The following OSBPL9 variants were observed in gnomAD, a reference collection of about 807,000 sequenced individuals.
OSBPL9 encodes the protein oxysterol-binding protein-related protein 9.
Under a neutral mutation model 106.6 loss-of-function variants are expected in OSBPL9, and 40 were observed. The ratio of observed to expected loss-of-function variants is 0.38; its 90% CI spans 0.29 to 0.49. The LOEUF is 0.49. OSBPL9 is among the 20% of genes least tolerant of loss of function. The pLI, the probability that OSBPL9 is intolerant of heterozygous loss-of-function variation, is 0.97. For missense variants in OSBPL9, 609 were observed against 887.2 expected, an observed-to-expected ratio of 0.69 and a Z score of 3.98; for synonymous variants, 269 against 295.4, an observed-to-expected ratio of 0.91 and a Z score of 0.92.
rs184678972 is a variant in OSBPL9 at position 51,620,883 on chromosome 1, A to T, written c.111+3662A>T. ...CTATTTTATTTATTCATTTATTTTG[A>T]TAAGACTGGTTAATTTTGTATTTTT... On this transcript the variant is annotated intron_variant, in intron 1 of 23. Coordinates refer to ENST00000428468, the MANE Select transcript of OSBPL9 (RefSeq NM_024586.6). Among the ~76,000 whole-genome samples the T allele has an allele frequency of 1.5e-3, 221 of 152,294 alleles. 1 individual carries two copies. Among genetic ancestry groups the T allele is most frequent in the African/African-American group, 5.0e-3 (208 of 41,572 alleles).
chr1:51,564,052 CAAAA>C, the OSBPL9 span, among the ~76,000 whole-genome samples: 8 of 27,386 alleles, frequency 2.9e-4, 1 homozygote, highest in Admixed American at 7.2e-4. Context: ...GAGATCATCT[CAAAA>C]AAAAAAAAAA....
At chr1:51,670,948 A>G (rs1372187953) in intron 3 of OSBPL9, among the ~76,000 whole-genome samples, 3 of 152,212 alleles carry the variant, frequency 2.0e-5, no homozygotes, top group Non-Finnish European at 4.4e-5. Flanking sequence ...GTTACTAAGA[A>G]GGAGACACCT....
the OSBPL9 span, among the ~76,000 whole-genome samples, chr1:51,519,858 C>A: frequency 2.0e-5 from 3 of 152,152 alleles, no homozygotes; most frequent in East Asian, 1.9e-4. Flanking sequence ...GAAAAGAAGA[C>A]ATTAAGTCAT....
In OSBPL9 at chr1:51,761,958, A is replaced by C. The variant is rs767808679; in HGVS notation, c.765A>C (p.Thr255=). ...LATLGHHQTP[T]PNSTGSGHSP... Reference sequence around the variant, plus strand: ...CCTTGGGACATCATCAGACTCCTACACCAAATAGTACAGGTACAGATTTGC... The same window carrying C: ...CCTTGGGACATCATCAGACTCCTACCCCAAATAGTACAGGTACAGATTTGC... Residue 255 remains threonine (T), a synonymous_variant, in exon 11 of 24, where the codon ACA becomes ACC. Transcript: ENST00000428468. 6.2e-7 allele frequency: 1 copy of C among 1,600,592 alleles called. No homozygotes were observed. The highest frequency in any genetic ancestry group is 8.6e-7 in the Non-Finnish European group (1 of 1,167,710).
At chr1:51,564,747 G>C in the OSBPL9 span, among the ~76,000 whole-genome samples, 1 of 152,158 alleles carries the variant, frequency 6.6e-6, no homozygotes, top group Admixed American at 6.5e-5. Flanking sequence ...TATCCTGGGG[G>C]CTATAGTTGT....
At chr1:51,692,728 T>C (rs1387765618) in intron 3 of OSBPL9, among the ~76,000 whole-genome samples, 1 of 149,070 alleles carries the variant, frequency 6.7e-6, no homozygotes, top group Non-Finnish European at 1.5e-5. Context: ...AGTGGCATGA[T>C]CATGGCTCAC....
Position 51,772,682 on chromosome 1 carries a change from C to A in OSBPL9, c.1129C>A (p.His377Asn). 6.2e-7 allele frequency: 1 copy of A among 1,614,144 alleles called. No homozygotes were observed. ...SVEEHKSVIM[H>N]LLSQVRLGMD... ...GGAGGAGCACAAGAGCGTTATCATGCATCTCTTGTCGCAGGTTAGACTTGG... is the reference window on the plus strand; with the variant it reads ...GGAGGAGCACAAGAGCGTTATCATGAATCTCTTGTCGCAGGTTAGACTTGG... Residue 377 changes from histidine to asparagine, a missense_variant, in exon 14 of 24, where the codon CAT (histidine) becomes AAT (asparagine). This residue lies in a region of OSBPL9 where 356 missense variants were observed against 505.8 expected (regional missense o/e 0.70). Transcript: ENST00000428468.
chr1:51,608,186 A>T (rs1284710063), intron 2 of OSBPL9, among the ~76,000 whole-genome samples: 1 of 152,190 alleles, frequency 6.6e-6, no homozygotes, highest in Non-Finnish European at 1.5e-5. Context: ...CCACTCATCC[A>T]ACTCCTGAGA....
chr1:51,669,352 T>C, intron 2 of OSBPL9, 82 bp from the exon 3 acceptor site: 1 of 1,152,178 alleles, frequency 8.7e-7, no homozygotes, highest in Non-Finnish European at 1.3e-6. Context: ...GTTGGTGCAT[T>C]GAGTATTCCA....
At chr1:51,756,763 A>G (rs553363670) in intron 9 of OSBPL9, 2 of 162,084 alleles carry the variant, frequency 1.2e-5, no homozygotes, top group Non-Finnish European at 2.7e-5. Flanking sequence ...ATAGGTTCCT[A>G]TTATCTTTTA....
At chr1:51,610,678 T>G (rs1037283469) in intron 2 of OSBPL9, among the ~76,000 whole-genome samples, 1 of 152,264 alleles carries the variant, frequency 6.6e-6, no homozygotes, top group Non-Finnish European at 1.5e-5. Context: ...CTAATCTCTA[T>G]GAGCTCCTCT....
At chr1:51,585,524 T>C (rs944889934) in intron 1 of OSBPL9, among the ~76,000 whole-genome samples, 1 of 152,172 alleles carries the variant, frequency 6.6e-6, no homozygotes, top group Non-Finnish European at 1.5e-5. Flanking sequence ...ATGCATGTAA[T>C]CTCAGCATTT....
Position 51,632,004 on chromosome 1 carries a change from C to CA in OSBPL9, c.111+14784dup, listed in dbSNP as rs552666779. ...CTGGAAGGTCTTTAGGGCAATAACT[C>CA]ACATGGAGCTGTCATCTCCTATGAT... On this transcript the variant is annotated intron_variant, in intron 1 of 23. Transcript: ENST00000428468. 2.0e-5 allele frequency among the ~76,000 whole-genome samples: 3 copies of CA among 152,306 alleles called. No individual in the cohort carries two copies. The South Asian group carries it at 6.2e-4, about 32-fold the overall frequency.
chr1:51,786,718 T>C (rs758934819), intron 22 of OSBPL9, 101 bp downstream of exon 22: 121 of 881,086 alleles, frequency 1.4e-4, no homozygotes, highest in Non-Finnish European at 2.0e-4. Context: ...CAGAGCATAA[T>C]AGTATAGACC....
chr1:51,580,931 TATATATATATATATATATATATA>T (rs1364996100), intron 1 of OSBPL9, among the ~76,000 whole-genome samples: 842 of 1,892 alleles, frequency 0.45, 157 homozygotes, highest in South Asian at 0.63. Flanking sequence ...TATATATATA[TATATATATATATATATATATATA>T]ACTTTTTTGA....
chr1:51,784,089 T>A, intron 18 of OSBPL9, 64 bp downstream of exon 18: 1 of 1,468,866 alleles, frequency 6.8e-7, no homozygotes, highest in Non-Finnish European at 9.5e-7. Flanking sequence ...ATGGCTAGAC[T>A]AGATGTCATT....
Position 51,750,203 on chromosome 1 carries a change from A to G in OSBPL9, c.543+8A>G. On this transcript the variant is annotated splice_region_variant and intron_variant, in intron 8 of 23. Coordinates refer to ENST00000428468, the MANE Select transcript of OSBPL9 (RefSeq NM_024586.6). Reference sequence around the variant, plus strand: ...TTGCTGCAGATTGCCAAAGTAAGTAAATTTTACTTTCAATTACCTTTGTGT... The same window carrying G: ...TTGCTGCAGATTGCCAAAGTAAGTAGATTTTACTTTCAATTACCTTTGTGT... The G allele has an allele frequency of 6.3e-7, 1 of 1,596,482 alleles. No homozygotes were observed. Among genetic ancestry groups the G allele is most frequent in the Non-Finnish European group, 8.5e-7 (1 of 1,169,828 alleles).
chr1:51,645,785 T>C (rs1316456609), intron 1 of OSBPL9, among the ~76,000 whole-genome samples: 1 of 152,168 alleles, frequency 6.6e-6, no homozygotes, highest in Non-Finnish European at 1.5e-5. Context: ...CTTGGATCCA[T>C]TTTGAGTTAA....
intron 12 of OSBPL9, among the ~76,000 whole-genome samples, chr1:51,766,800 G>A (rs973167265): frequency 6.6e-6 from 1 of 152,110 alleles, no homozygotes; most frequent in Non-Finnish European, 1.5e-5. Flanking sequence ...GCCAAGTGTG[G>A]TGGCTCACGC....
Sources: allele counts gnomAD v4.1 joint callset (sites outside exome capture counted in the v4.1 genomes callset), GRCh38; gene constraint gnomAD v4.1.1; regional missense constraint gnomAD v4.1.1; transcripts MANE v1.5; gene names NCBI Gene and HGNC (gene_info 2026-07-23, HGNC 2026-07-21).